Variants in CCNG1 observed in about 807,000 individuals in gnomAD.
The protein encoded by CCNG1 is cyclin G1, also known as cyclin-G1.
In CCNG1, 13 loss-of-function variants were observed where a neutral mutation model predicts 30.0. The observed-to-expected ratio is 0.43, with a 90% CI of 0.28 to 0.69. CCNG1 has a LOEUF of 0.69. Ranked by LOEUF, CCNG1 falls within the 30% of genes least tolerant of loss-of-function variation. CCNG1 has a pLI of 0.16. For missense variants in CCNG1, 285 were observed against 331.4 expected, an observed-to-expected ratio of 0.86 and a Z score of 1.09; for synonymous variants, 110 against 121.5, an observed-to-expected ratio of 0.91 and a Z score of 0.62.
At chr5:163,454,456 C>T in the CCNG1 span, among the ~76,000 whole-genome samples, 1 of 152,140 alleles carries the variant, frequency 6.6e-6, no homozygotes, top group Non-Finnish European at 1.5e-5. Flanking sequence ...ATTCTCCTGC[C>T]TAAGCCTCCC....
intron 4 of CCNG1, 35 bp downstream of exon 4, chr5:163,441,999 G>A: frequency 6.3e-7 from 1 of 1,576,900 alleles, no homozygotes; most frequent in Non-Finnish European, 8.7e-7. Flanking sequence ...CTATTGATAT[G>A]ATCTGTTTTT....
At chr5:163,457,148 T>C in the CCNG1 span, 2 of 1,493,356 alleles carry the variant, frequency 1.3e-6, no homozygotes, top group Non-Finnish European at 1.8e-6. Flanking sequence ...TGTTTTTTTT[T>C]TTTTTGAGAC....
At chr5:163,457,010 T>A in the CCNG1 span, 1 of 1,613,536 alleles carries the variant, frequency 6.2e-7, no homozygotes, top group African/African-American at 1.3e-5. Flanking sequence ...CAGATTCTAG[T>A]AGAGAAGTCC....
chr5:163,442,608 T>C (rs1261987920), intron 6 of CCNG1, 40 bp downstream of exon 6: 23 of 1,447,782 alleles, frequency 1.6e-5, no homozygotes, highest in Admixed American at 4.3e-5. Flanking sequence ...TAGAGAACAT[T>C]TTCCAATGCC....
chr5:163,440,833 A>T (rs570294769), intron 2 of CCNG1, among the ~76,000 whole-genome samples: 1 of 152,292 alleles, frequency 6.6e-6, no homozygotes, highest in Non-Finnish European at 1.5e-5. Flanking sequence ...CACTTTTTCT[A>T]TGCTGAGCCA....
At chr5:163,457,125 T>G in the CCNG1 span, 1 of 1,521,570 alleles carries the variant, frequency 6.6e-7, no homozygotes, top group East Asian at 2.3e-5. Context: ...TAAATTAGAG[T>G]TCTTCATCAA....
the CCNG1 span, chr5:163,457,619 T>C: frequency 3.2e-6 from 5 of 1,559,372 alleles, no homozygotes; most frequent in Non-Finnish European, 4.4e-6. Context: ...CCCTGAAAAA[T>C]AAACATATAA....
chr5:163,449,221 T>C (rs142785830), downstream of CCNG1: 17 of 152,122 alleles, frequency 1.1e-4, no homozygotes, highest in East Asian at 3.1e-3. Flanking sequence ...AATAAAACTG[T>C]TTCTATTCGT....
chr5:163,443,246 A>G (rs1757914393), intron 6 of CCNG1, among the ~76,000 whole-genome samples: 1 of 148,374 alleles, frequency 6.7e-6, no homozygotes, highest in South Asian at 2.2e-4. Flanking sequence ...CGGGAGGCGG[A>G]GTTTGCAGTG....
At chr5:163,448,713 C>G (rs1428262269), downstream of CCNG1, 1 of 152,014 alleles carries the variant, frequency 6.6e-6, no homozygotes, top group East Asian at 1.9e-4. Flanking sequence ...AAAATGAACA[C>G]AGACATAAAA....
Position 163,444,848 on chromosome 5 carries a change from T to C in CCNG1, c.*1178T>C, listed in dbSNP as rs1315006621. 6.6e-6 allele frequency: 1 copy of C among 152,652 alleles called. No homozygotes were observed. Among genetic ancestry groups the C allele is most frequent in the Admixed American group, 6.5e-5 (1 of 15,284 alleles). The allele number at this position is 152,652 out of a possible 1,614,324, so 9.5% of individuals were successfully genotyped here. On this transcript the variant is annotated 3_prime_UTR_variant, in exon 7 of 7. Transcript: ENST00000340828. ...CCACAGTATATCTTATTCTTAACTT[T>C]TGTAAACCATGTTTTATGGGTAACT... is the stretch of plus-strand genomic sequence containing the variant.
intron 1 of CCNG1, among the ~76,000 whole-genome samples, chr5:163,438,056 G>T (rs1757579253): frequency 6.6e-6 from 1 of 152,180 alleles, no homozygotes; most frequent in Admixed American, 6.5e-5. Context: ...GCAGTTAGAG[G>T]TTCCTCACAT....
At chr5:163,457,091 A>C in the CCNG1 span, 2,449 of 1,491,360 alleles carry the variant, frequency 1.6e-3, 8 homozygotes, top group Middle Eastern at 2.9e-3. Flanking sequence ...CTAAAAAAAA[A>C]ACACACACAC....
At chr5:163,453,436 A>G in the CCNG1 span, 1 of 152,504 alleles carries the variant, frequency 6.6e-6, no homozygotes, top group Non-Finnish European at 1.5e-5. Context: ...TAATCCCTCA[A>G]GTAATAATAT....
At chr5:163,455,120 G>A in the CCNG1 span, among the ~76,000 whole-genome samples, 3 of 151,302 alleles carry the variant, frequency 2.0e-5, no homozygotes, top group Non-Finnish European at 2.9e-5. Flanking sequence ...CGCTGATGTC[G>A]TGTTAAAAGT....
downstream of CCNG1, chr5:163,447,455 A>C (rs1758065557): frequency 6.6e-6 from 1 of 152,102 alleles, no homozygotes; most frequent in South Asian, 2.1e-4. Context: ...AAAAAAAAAA[A>C]AAAAAACATG....
At chr5:163,442,828 TC>T (rs1251611520) in intron 6 of CCNG1, among the ~76,000 whole-genome samples, 2 of 152,164 alleles carry the variant, frequency 1.3e-5, no homozygotes, top group Non-Finnish European at 2.9e-5. Flanking sequence ...GAGAACAGCA[TC>T]CTCCTTGTAG....
rs370862150 is a variant in CCNG1 at position 163,442,533 on chromosome 5, C to T, written c.856C>T (p.His286Tyr). 1.2e-6 allele frequency: 2 copies of T among 1,610,564 alleles called. No individual in the cohort carries two copies. The highest frequency in any genetic ancestry group is 1.3e-5 in the African/African-American group (1 of 74,928). The change falls in exon 6 of 7, where the codon CAC (histidine) becomes TAC (tyrosine). Residue 286 changes from histidine (H) to tyrosine (Y), a missense_variant. His to Tyr is a moderately conservative substitution (Grantham distance 83). Coordinates refer to ENST00000340828, the MANE Select transcript of CCNG1 (RefSeq NM_004060.4). ...GAAGCATAGCTACTACAGAATAACT[C>T]ACCTTCCAACAATTCCTGAAATGGT... The part of the protein sequence containing the change: ...QLKHSYYRIT[H>Y]LPTIPEMVP
At chr5:163,451,414 G>A in the CCNG1 span, 3 of 152,128 alleles carry the variant, frequency 2.0e-5, no homozygotes, top group Non-Finnish European at 4.4e-5. Context: ...TACAAAGAGA[G>A]CACGAGAGTT....
Sources: gnomAD v4.1 joint callset for allele counts (sites outside exome capture counted in the v4.1 genomes callset) on GRCh38, gnomAD v4.1.1 for gene constraint, MANE v1.5 for transcripts, NCBI Gene and HGNC (gene_info 2026-07-23, HGNC 2026-07-21) for gene names.